ST6GALNAC5: variants seen among roughly 807,000 people sequenced by gnomAD.
The protein encoded by ST6GALNAC5 is alpha-N-acetylgalactosaminide alpha-2,6-sialyltransferase 5.
Under a neutral mutation model 33.6 loss-of-function variants are expected in ST6GALNAC5, and 27 were observed. That is an observed-to-expected ratio of 0.80 (90% confidence interval 0.59 to 1.11). The LOEUF (loss-of-function observed/expected upper bound fraction) is 1.11, where lower values mean the gene tolerates loss of function less well. ST6GALNAC5 is among the 50% of genes least tolerant of loss of function. ST6GALNAC5 has a pLI of 0.00. For missense variants in ST6GALNAC5, 428 were observed against 454.0 expected (o/e 0.94, Z 0.52); for synonymous variants, 194 against 171.2 (o/e 1.13, Z -1.04).
chr1:76,979,770 T>C (rs1185403784), intron 2 of ST6GALNAC5, among the ~76,000 whole-genome samples: 1 of 151,968 alleles, frequency 6.6e-6, no homozygotes, highest in East Asian at 1.9e-4. Context: ...CTACTGAAAA[T>C]ACAAAAATTA....
chr1:76,987,274 G>A (rs1247703463), intron 2 of ST6GALNAC5, among the ~76,000 whole-genome samples: 1 of 152,076 alleles, frequency 6.6e-6, no homozygotes, highest in Non-Finnish European at 1.5e-5. Flanking sequence ...TTTAAAATGA[G>A]CAAAGGATTT....
chr1:76,890,415 G>T (rs963013441), intron 2 of ST6GALNAC5, among the ~76,000 whole-genome samples: 3 of 151,974 alleles, frequency 2.0e-5, no homozygotes, highest in African/African-American at 7.2e-5. Flanking sequence ...CATTGCTTAG[G>T]GTCAAGACTG....
Position 77,067,034 on chromosome 1 carries a change from G to A in ST6GALNAC5, c.*3828G>A, listed in dbSNP as rs1257821784. 6.6e-6 allele frequency among the ~76,000 whole-genome samples: 1 copy of A among 152,192 alleles called. No homozygotes were observed. Among genetic ancestry groups the A allele is most frequent in the East Asian group, 1.9e-4 (1 of 5,198 alleles). ...TTATGGTTTGCCCAGGGCCAAGTGG[G>A]GAGTGAAGAAGAGGGGTCCCCAAGA... On this transcript the variant is annotated 3_prime_UTR_variant, in exon 5 of 5. Coordinates refer to ENST00000477717, the MANE Select transcript of ST6GALNAC5 (RefSeq NM_030965.3).
intron 2 of ST6GALNAC5, among the ~76,000 whole-genome samples, chr1:77,033,197 C>T (rs138668838): frequency 0.01 from 1,525 of 152,300 alleles, 13 homozygotes; most frequent in Non-Finnish European, 0.017. Flanking sequence ...CCACTGACAA[C>T]TCATCCATGC....
rs1272269553 is a variant in ST6GALNAC5 at position 77,066,632 on chromosome 1, C to T, written c.*3426C>T. Among the ~76,000 whole-genome samples, 1 of 152,198 alleles carries T rather than the reference C, an allele frequency of 6.6e-6. No homozygotes were observed. The highest frequency in any genetic ancestry group is 1.5e-5 in the Non-Finnish European group (1 of 68,032). On this transcript the variant is annotated 3_prime_UTR_variant, in exon 5 of 5. Transcript: ENST00000477717. ...TTTCAGAAATATATCCTGAATTCCA[C>T]CAGGGTGATGGTTCAAATTGTTAAA...
Position 76,892,393 on chromosome 1 carries a change from G to C in ST6GALNAC5, c.261+23651G>C, listed in dbSNP as rs535781589. The stretch of plus-strand genomic sequence containing the variant: ...CTTTTTTTTCTCCCCTTTAGTCACA[G>C]TGATTTTCCATTTGCCCTGGAAGGC... On this transcript the variant is annotated intron_variant, in intron 2 of 4. Coordinates refer to ENST00000477717, the MANE Select transcript of ST6GALNAC5 (RefSeq NM_030965.3). Among the ~76,000 whole-genome samples the C allele has an allele frequency of 3.3e-5, 5 of 152,240 alleles. No individual in the cohort carries two copies. The East Asian group carries it at 5.8e-4, about 18-fold the overall frequency.
intron 2 of ST6GALNAC5, among the ~76,000 whole-genome samples, chr1:76,909,409 A>C (rs1033656966): frequency 2.0e-5 from 3 of 152,134 alleles, no homozygotes; most frequent in African/African-American, 4.8e-5. Context: ...GTTGTTATGA[A>C]GTATTACATA....
chr1:76,875,563 G>C (rs1333261189), intron 2 of ST6GALNAC5, among the ~76,000 whole-genome samples: 20 of 152,112 alleles, frequency 1.3e-4, no homozygotes, highest in Admixed American at 1.3e-3. Context: ...TCAGTTTAAT[G>C]GAATCATTGT....
intron 2 of ST6GALNAC5, among the ~76,000 whole-genome samples, chr1:76,975,417 G>T (rs1291842561): frequency 6.6e-6 from 1 of 152,156 alleles, no homozygotes; most frequent in Non-Finnish European, 1.5e-5. Flanking sequence ...GGAGTAAACT[G>T]CACTTGGTGA....
chr1:76,998,765 G>A (rs1181562515), intron 2 of ST6GALNAC5, among the ~76,000 whole-genome samples: 1 of 152,148 alleles, frequency 6.6e-6, no homozygotes, highest in Non-Finnish European at 1.5e-5. Context: ...ACTAATATGT[G>A]TGAAATGTTT....
chr1:76,868,697 G>T lies in ST6GALNAC5; in HGVS notation c.216G>T (p.Ala72=). ...CCCAGCAGCGCCCCGGGGTCCCCGC[G>T]GGACCGCGGCCACTGGACGGATACC... The part of the protein sequence containing the change: ...SSTQQRPGVP[A]GPRPLDGYLG... The change falls in exon 2 of 5, where the codon GCG becomes GCT. Residue 72 remains alanine (A), a synonymous_variant. Coordinates refer to ENST00000477717, the MANE Select transcript of ST6GALNAC5 (RefSeq NM_030965.3). This position sits in a 1 kb window ranked among gnomAD's most constrained non-coding sequence, Gnocchi z 4.3. 6.5e-7 allele frequency: 1 copy of T among 1,539,314 alleles called. No individual in the cohort carries two copies. The highest frequency in any genetic ancestry group is 8.7e-7 in the Non-Finnish European group (1 of 1,143,422).
intron 2 of ST6GALNAC5, among the ~76,000 whole-genome samples, chr1:76,928,215 G>C (rs1277744901): frequency 6.6e-6 from 1 of 152,074 alleles, no homozygotes; most frequent in South Asian, 2.1e-4. Flanking sequence ...TCTAAGACCA[G>C]GGAATAGAAC....
intron 2 of ST6GALNAC5, among the ~76,000 whole-genome samples, chr1:76,893,095 G>T (rs1654048405): frequency 6.6e-6 from 1 of 152,142 alleles, no homozygotes; most frequent in Admixed American, 6.5e-5. Flanking sequence ...GTCTTGGCAG[G>T]CATAAGGAGT....
At chr1:76,979,729 C>T (rs985258876) in intron 2 of ST6GALNAC5, among the ~76,000 whole-genome samples, 4 of 152,180 alleles carry the variant, frequency 2.6e-5, no homozygotes, top group Non-Finnish European at 5.9e-5. Flanking sequence ...GAATTCGAGA[C>T]CAGCCTGGCC....
chr1:76,928,859 C>A (rs981184015), intron 2 of ST6GALNAC5, among the ~76,000 whole-genome samples: 5 of 152,070 alleles, frequency 3.3e-5, no homozygotes, highest in African/African-American at 1.2e-4. Flanking sequence ...ACTTTAAGGA[C>A]AAGATCCGGG....
At chr1:76,935,606 T>C (rs1647193721) in intron 2 of ST6GALNAC5, among the ~76,000 whole-genome samples, 2 of 152,088 alleles carry the variant, frequency 1.3e-5, no homozygotes, top group Non-Finnish European at 2.9e-5. Context: ...TTGGTTGTTA[T>C]GATTTAAATT....
chr1:76,885,443 G>A (rs975883307), intron 2 of ST6GALNAC5, among the ~76,000 whole-genome samples: 2 of 152,000 alleles, frequency 1.3e-5, no homozygotes, highest in African/African-American at 4.8e-5. Context: ...CAATCAACAC[G>A]TGTATACACG....
chr1:77,022,924 G>T (rs570621789), intron 2 of ST6GALNAC5, among the ~76,000 whole-genome samples: 1 of 152,126 alleles, frequency 6.6e-6, no homozygotes, highest in Non-Finnish European at 1.5e-5. Context: ...AAATTTGTAC[G>T]TGGAAGTCCT....
intron 2 of ST6GALNAC5, among the ~76,000 whole-genome samples, chr1:76,887,391 A>T (rs1653921819): frequency 6.6e-6 from 1 of 152,122 alleles, no homozygotes; most frequent in Admixed American, 6.5e-5. Flanking sequence ...CAGAAGTCTA[A>T]GTCTGTTTTT....
Sources: allele counts gnomAD v4.1 joint callset (sites outside exome capture counted in the v4.1 genomes callset), GRCh38; gene constraint gnomAD v4.1.1; non-coding constraint Gnocchi (gnomAD v3.1); transcripts MANE v1.5; gene names NCBI Gene and HGNC (gene_info 2026-07-23, HGNC 2026-07-21).